DCDC2B: variants seen among roughly 807,000 people sequenced by gnomAD.
DCDC2B encodes the protein doublecortin domain containing 2B, also known as doublecortin domain-containing protein 2B.
DCDC2B carries 41 observed loss-of-function variants against 38.9 expected under a neutral mutation model. The observed-to-expected ratio is 1.05, with a 90% CI of 0.82 to 1.37. The LOEUF is 1.37. DCDC2B is among the 40% of genes most tolerant of loss of function. DCDC2B has a pLI of 0.00. For missense variants in DCDC2B, 453 were observed against 427.2 expected, an observed-to-expected ratio of 1.06 and a Z score of -0.53; for synonymous variants, 181 against 171.9, an observed-to-expected ratio of 1.05 and a Z score of -0.41.
chr1:32,212,590 T>C lies in DCDC2B; in HGVS notation c.628T>C (p.Tyr210His). ...VGEDEFKDLPYLELLVPSPSL... is the reference protein window; with the variant it reads ...VGEDEFKDLPHLELLVPSPSL... Reference sequence around the variant, plus strand: ...AGAGGATGAGTTCAAGGACCTTCCCTATCTGGAGCTGCTGGTGCCCAGCCC... The same window carrying C: ...AGAGGATGAGTTCAAGGACCTTCCCCATCTGGAGCTGCTGGTGCCCAGCCC... The change falls in exon 5 of 9, where the codon TAT (tyrosine) becomes CAT (histidine). Residue 210 changes from tyrosine to histidine, a missense_variant. By Grantham distance (83) the Tyr-to-His change is moderately conservative. Transcript: ENST00000409358. 6.2e-7 allele frequency: 1 copy of C among 1,614,016 alleles called. No individual in the cohort carries two copies. The highest frequency in any genetic ancestry group is 8.5e-7 in the Non-Finnish European group (1 of 1,179,882).
chr1:32,213,625 C>T (rs141591304), intron 6 of DCDC2B, among the ~76,000 whole-genome samples: 5,918 of 151,598 alleles, frequency 0.039, 166 homozygotes, highest in Middle Eastern at 0.085. Flanking sequence ...TCTCCTGCCT[C>T]AGCCTCCCGA....
Position 32,209,357 on chromosome 1 carries a change from CCAGT to C in DCDC2B, c.265_266+2del. 6.2e-7 allele frequency: 1 copy of C among 1,613,682 alleles called. No individual in the cohort carries two copies. The highest frequency in any genetic ancestry group is 8.5e-7 in the Non-Finnish European group (1 of 1,179,696). On this transcript the variant is annotated splice_donor_variant and coding_sequence_variant, in exon 1 of 9. Transcript: ENST00000409358. LOFTEE classifies it high-confidence loss of function. ...CTGGATTTGAACGATTCCACAAGCTCCAGTGAGTGGGCTGGGGCTGGTCAAACAG... is the reference window on the plus strand; with the variant it reads ...CTGGATTTGAACGATTCCACAAGCTCGAGTGGGCTGGGGCTGGTCAAACAG...
chr1:32,212,536 G>GT lies in DCDC2B; in HGVS notation c.575dup (p.Thr193AsnfsTer12). 1 of 1,614,032 alleles carries GT rather than the reference G, an allele frequency of 6.2e-7. No homozygotes were observed. The highest frequency in any genetic ancestry group is 1.7e-5 in the Admixed American group (1 of 60,024). On this transcript the variant is annotated frameshift_variant, in exon 5 of 9. Transcript: ENST00000409358. LOFTEE classifies it high-confidence loss of function. Reference sequence around the variant, plus strand: ...CCCACTGTCAGCAGGGAAGGAGCTGGTAACTGGCCATTACTATGTGGCTGT... The same window carrying GT: ...CCCACTGTCAGCAGGGAAGGAGCTGGTTAACTGGCCATTACTATGTGGCTGT...
chr1:32,215,136 C>T, intron 7 of DCDC2B: 1 of 695,660 alleles, frequency 1.4e-6, no homozygotes. Flanking sequence ...TGGTACTGAC[C>T]TCATCATAAC....
rs201678864 is a variant in DCDC2B at position 32,211,308 on chromosome 1, G to A, written c.303G>A (p.Lys101=). 6 of 1,613,948 alleles carry A rather than the reference G, an allele frequency of 3.7e-6. No individual in the cohort carries two copies. Among genetic ancestry groups the A allele is most frequent in the Non-Finnish European group, 5.1e-6 (6 of 1,179,872 alleles). ...ATAGAGGGAAGGACCCAGGTGGGAA[G>A]AGCTGCAGACTACAAGTGAGTCCCG... ...LPHRGKDPGG[K]SCRLQGPPVT... is the part of the protein sequence containing the mutation. Residue 101 remains lysine, a synonymous_variant, in exon 2 of 9, where the codon AAG becomes AAA. Coordinates refer to ENST00000409358, the MANE Select transcript of DCDC2B (RefSeq NM_001099434.2).
At chr1:32,213,218 A>G (rs1249926580) in intron 6 of DCDC2B, among the ~76,000 whole-genome samples, 1 of 148,992 alleles carries the variant, frequency 6.7e-6, no homozygotes, top group Non-Finnish European at 1.5e-5. Flanking sequence ...TTAAATATAG[A>G]GATGAGTCTC....
Position 32,215,429 on chromosome 1 carries a change from C to T in DCDC2B, c.851-11C>T, listed in dbSNP as rs977012866. The stretch of plus-strand genomic sequence containing the variant: ...GCCTGGGCATCACCCAGTGCTGCCT[C>T]CCCTCTTTAGGAGTTATAGGAGTAT... On this transcript the variant is annotated splice_polypyrimidine_tract_variant and intron_variant, in intron 7 of 8. Coordinates refer to ENST00000409358, the MANE Select transcript of DCDC2B (RefSeq NM_001099434.2). 2 of 1,605,742 alleles carry T rather than the reference C, an allele frequency of 1.2e-6. No homozygotes were observed. Among genetic ancestry groups the T allele is most frequent in the African/African-American group, 1.3e-5 (1 of 74,562 alleles).
At chr1:32,213,963 T>A (rs1166845056) in intron 6 of DCDC2B, among the ~76,000 whole-genome samples, 1 of 151,124 alleles carries the variant, frequency 6.6e-6, no homozygotes, top group Non-Finnish European at 1.5e-5. Context: ...CTCTTAATAA[T>A]CTTGTGAAAG....
At chr1:32,215,589 C>T (rs1557536419) in intron 8 of DCDC2B, 46 bp downstream of exon 8, 1 of 1,573,950 alleles carries the variant, frequency 6.4e-7, no homozygotes. Context: ...GGGAGGAGCT[C>T]TGAGCTGGAA....
At chr1:32,213,175 C>T (rs1289233335) in intron 6 of DCDC2B, among the ~76,000 whole-genome samples, 2 of 151,754 alleles carry the variant, frequency 1.3e-5, no homozygotes, top group East Asian at 1.9e-4. Flanking sequence ...GGATTACAGG[C>T]GTGAGCCACC....
rs1445308549 is a variant in DCDC2B, at chr1:32,211,257, T to C, written c.267-15T>C. On this transcript the variant is annotated splice_polypyrimidine_tract_variant and intron_variant, in intron 1 of 8. Coordinates refer to ENST00000409358, the MANE Select transcript of DCDC2B (RefSeq NM_001099434.2). ...AGTCTCCACAAGATGACCTGTGATC[T>C]ATCTGTCCTTTCAGCTATTTACCCC... 2.5e-6 allele frequency: 4 copies of C among 1,613,472 alleles called. No individual in the cohort carries two copies. Among genetic ancestry groups the C allele is most frequent in the Non-Finnish European group, 3.4e-6 (4 of 1,179,536 alleles).
chr1:32,215,160 C>G (rs952152925), intron 7 of DCDC2B: 2 of 638,242 alleles, frequency 3.1e-6, no homozygotes, highest in South Asian at 4.6e-5. Flanking sequence ...CTCCAGCTGC[C>G]CCCGTCTGTA....
In DCDC2B at chr1:32,212,789, AG is replaced by A. The variant is rs773113921; in HGVS notation, c.714+1del. The A allele has an allele frequency of 6.2e-7, 1 of 1,613,638 alleles. No individual in the cohort carries two copies. The highest frequency in any genetic ancestry group is 8.5e-7 in the Non-Finnish European group (1 of 1,179,768). On this transcript the variant is annotated frameshift_variant, in exon 6 of 9. Coordinates refer to ENST00000409358, the MANE Select transcript of DCDC2B (RefSeq NM_001099434.2). LOFTEE classifies it high-confidence loss of function. ...GGCTCGAAGTCTAGGCCCCACAGGC[AG>A]GGGGTAGGTGACGCAGGGGACAATG... The part of the protein sequence containing the change: ...PPGSKSRPHR[Q>X]GAQGHRAQVT...
In DCDC2B at chr1:32,215,516, C is replaced by G. The variant is rs770593003; in HGVS notation, c.927C>G (p.Asp309Glu). Residue 309 changes from aspartate to glutamate, a missense_variant, in exon 8 of 9, where the codon GAC (aspartate) becomes GAG (glutamate). Asp to Glu is a conservative substitution (Grantham distance 45). Transcript: ENST00000409358. ...AGALEVADDE[D>E]TQTEEPLDQR... ...CCCTGGAAGTAGCAGATGATGAAGA[C>G]ACTCAGACAGAGGAGCCCTTGGATC... The G allele has an allele frequency of 5.0e-6, 8 of 1,613,702 alleles. No homozygotes were observed. Among genetic ancestry groups the G allele is most frequent in the Non-Finnish European group, 6.8e-6 (8 of 1,179,826 alleles).
Position 32,214,777 on chromosome 1 carries a change from G to A in DCDC2B, c.715-20G>A. 1.2e-6 allele frequency: 2 copies of A among 1,613,718 alleles called. No homozygotes were observed. The highest frequency in any genetic ancestry group is 1.7e-6 in the Non-Finnish European group (2 of 1,179,750). On this transcript the variant is annotated intron_variant, in intron 6 of 8. Coordinates refer to ENST00000409358, the MANE Select transcript of DCDC2B (RefSeq NM_001099434.2). Reference sequence around the variant, plus strand: ...AGAATGGCCAGCAATCAGGGTCCAAGCCCAGTGTCCCTTCTCTAGGCCCAA... The same window carrying A: ...AGAATGGCCAGCAATCAGGGTCCAAACCCAGTGTCCCTTCTCTAGGCCCAA...
chr1:32,214,716 G>C (rs1638244667), intron 6 of DCDC2B, 81 bp from the exon 7 acceptor site: 1 of 1,572,424 alleles, frequency 6.4e-7, no homozygotes. Flanking sequence ...GGCGTCAGGG[G>C]CTCTCTGAAG....
At chr1:32,212,887 C>T (rs190561392) in intron 6 of DCDC2B, 94 bp downstream of exon 6, 1 of 1,410,894 alleles carries the variant, frequency 7.1e-7, no homozygotes, top group Non-Finnish European at 9.8e-7. Context: ...TTCACTGCAT[C>T]CTCTCTTTTT....
At chr1:32,215,053 GAA>G (rs75232351) in intron 7 of DCDC2B, 121 bp downstream of exon 7, 10,009 of 1,016,256 alleles carry the variant, frequency 9.8e-3, no homozygotes, top group Admixed American at 0.012. Flanking sequence ...GCCGGCACTG[GAA>G]AAAAAAAAAA....
At position 32,216,188 on chromosome 1, in the gene DCDC2B, A is replaced by AC. The variant is rs1229919016; in HGVS notation, c.*292dup. On this transcript the variant is annotated 3_prime_UTR_variant, in exon 9 of 9. Coordinates refer to ENST00000409358, the MANE Select transcript of DCDC2B (RefSeq NM_001099434.2). ...GGTTTGTCACAATAAAAGAATACTT[A>AC]CTAACCTCTTGTCTGTTTACCATAG... 2 of 840,706 alleles carry AC rather than the reference A, an allele frequency of 2.4e-6. No homozygotes were observed. The highest frequency in any genetic ancestry group is 3.4e-5 in the African/African-American group (2 of 58,332). The allele number at this position is 840,706 out of a possible 1,614,324, so 52.1% of individuals were successfully genotyped here.
Sources: allele counts gnomAD v4.1 joint callset (sites outside exome capture counted in the v4.1 genomes callset), GRCh38; gene constraint gnomAD v4.1.1; transcripts MANE v1.5; gene names NCBI Gene and HGNC (gene_info 2026-07-23, HGNC 2026-07-21).